ARK2C: variants seen among roughly 807,000 people sequenced by gnomAD.
ARK2C encodes arkadia (RNF111) C-terminal like ring finger ubiquitin ligase 2C, also known as E3 ubiquitin-protein ligase ARK2C.
the ARK2C span, among the ~76,000 whole-genome samples, chr18:46,346,876 A>C: frequency 6.6e-6 from 1 of 152,198 alleles, no homozygotes; most frequent in South Asian, 2.1e-4. Flanking sequence ...GGCATATTTC[A>C]GCTTAATTGT....
chr18:46,395,912 T>C, the ARK2C span, among the ~76,000 whole-genome samples: 4 of 152,226 alleles, frequency 2.6e-5, no homozygotes, highest in Non-Finnish European at 5.9e-5. Flanking sequence ...TCTTCCGATC[T>C]CATTTAGGCT....
chr18:46,384,233 G>T, the ARK2C span, among the ~76,000 whole-genome samples: 4 of 152,266 alleles, frequency 2.6e-5, no homozygotes, highest in East Asian at 7.7e-4. Context: ...TTCCACTCTG[G>T]TTATTAAGAC....
chr18:46,447,387 TG>T, the ARK2C span: 2 of 676,944 alleles, frequency 3.0e-6, no homozygotes, highest in East Asian at 5.2e-5. Flanking sequence ...TTTCCTTCTC[TG>T]AGTCTCTGTT....
chr18:46,358,406 C>T, the ARK2C span, among the ~76,000 whole-genome samples: 1 of 152,214 alleles, frequency 6.6e-6, no homozygotes, highest in Non-Finnish European at 1.5e-5. Context: ...AGGACAGGAT[C>T]TGCGGACCTC....
the ARK2C span, among the ~76,000 whole-genome samples, chr18:46,378,138 A>G: frequency 1.3e-5 from 2 of 152,236 alleles, no homozygotes; most frequent in Non-Finnish European, 2.9e-5. Flanking sequence ...TGCAGGTTCC[A>G]TTAATGCTCC....
the ARK2C span, chr18:46,337,492 C>A: frequency 1.0e-6 from 1 of 985,352 alleles, no homozygotes; most frequent in South Asian, 4.7e-5. Context: ...GTAGCCCGGG[C>A]CATCTGCTCA....
At chr18:46,364,903 T>A in the ARK2C span, among the ~76,000 whole-genome samples, 6 of 152,114 alleles carry the variant, frequency 3.9e-5, no homozygotes, top group African/African-American at 1.4e-4. Context: ...AACTTCAGGG[T>A]AGAAAACAGC....
chr18:46,347,542 T>A, the ARK2C span, among the ~76,000 whole-genome samples: 1 of 152,104 alleles, frequency 6.6e-6, no homozygotes. Flanking sequence ...GGGGCACTGG[T>A]TCTGCTCTTT....
the ARK2C span, among the ~76,000 whole-genome samples, chr18:46,370,135 C>T: frequency 6.6e-6 from 1 of 152,312 alleles, no homozygotes; most frequent in South Asian, 2.1e-4. Context: ...TGGGTCCCCA[C>T]TTCCTTCCCT....
At chr18:46,456,928 A>G in the ARK2C span, 1 of 411,786 alleles carries the variant, frequency 2.4e-6, no homozygotes, top group Non-Finnish European at 4.6e-6. Flanking sequence ...CGGAGAACCC[A>G]GGTGGGATCC....
At chr18:46,381,702 G>A in the ARK2C span, among the ~76,000 whole-genome samples, 3 of 152,124 alleles carry the variant, frequency 2.0e-5, no homozygotes, top group South Asian at 2.1e-4. Flanking sequence ...GTAATAGCAA[G>A]TGCTTGTAGT....
At chr18:46,417,078 C>T in the ARK2C span, among the ~76,000 whole-genome samples, 4 of 152,230 alleles carry the variant, frequency 2.6e-5, no homozygotes, top group Admixed American at 2.6e-4. Flanking sequence ...CTATCTTGTC[C>T]TCTGTCTCTC....
chr18:46,354,970 G>T, the ARK2C span, among the ~76,000 whole-genome samples: 3 of 152,010 alleles, frequency 2.0e-5, no homozygotes, highest in Admixed American at 6.5e-5. Flanking sequence ...TATTTTTTGA[G>T]ACTGAGTCTC....
the ARK2C span, among the ~76,000 whole-genome samples, chr18:46,349,946 C>G: frequency 6.6e-6 from 1 of 152,316 alleles, no homozygotes; most frequent in Admixed American, 6.5e-5. Context: ...ACAGTTATAA[C>G]AGCAGCACGC....
the ARK2C span, among the ~76,000 whole-genome samples, chr18:46,394,398 C>T: frequency 4.6e-5 from 7 of 152,278 alleles, no homozygotes; most frequent in Non-Finnish European, 1.0e-4. Flanking sequence ...GGGGTTCACT[C>T]TCGGAGATGA....
chr18:46,383,280 G>A, the ARK2C span, among the ~76,000 whole-genome samples: 9 of 152,220 alleles, frequency 5.9e-5, no homozygotes, highest in African/African-American at 2.2e-4. Context: ...ATTTCAAAAT[G>A]TGAAAAATAC....
At chr18:46,442,128 G>A in the ARK2C span, among the ~76,000 whole-genome samples, 5 of 146,530 alleles carry the variant, frequency 3.4e-5, no homozygotes, top group Admixed American at 6.8e-5. Flanking sequence ...GCGCCACTGC[G>A]CTCCAGCCTG....
At chr18:46,399,374 A>G in the ARK2C span, among the ~76,000 whole-genome samples, 1 of 152,052 alleles carries the variant, frequency 6.6e-6, no homozygotes, top group African/African-American at 2.4e-5. Flanking sequence ...TCCCTCCATC[A>G]TGTGTCCCCC....
At chr18:46,462,406 C>T in the ARK2C span, 13 of 152,768 alleles carry the variant, frequency 8.5e-5, no homozygotes, top group African/African-American at 2.4e-4. Flanking sequence ...GATGAGGCCC[C>T]ATGGGGAAGG....
Sources: gnomAD v4.1 joint callset for allele counts (sites outside exome capture counted in the v4.1 genomes callset) on GRCh38, gnomAD v4.1.1 for gene constraint, MANE v1.5 for transcripts, NCBI Gene and HGNC (gene_info 2026-07-23, HGNC 2026-07-21) for gene names.